The following OR4N2 variants were observed in gnomAD, a reference collection of about 807,000 sequenced individuals.
The protein encoded by OR4N2 is olfactory receptor family 4 subfamily N member 2, also known as olfactory receptor 4N2.
For missense variants in OR4N2, 307 were observed against 377.6 expected (o/e 0.81, Z 1.55); for synonymous variants, 141 against 140.4 (o/e 1.00, Z -0.03).
At chr14:19,815,645 GTTTTTTTTTGTTTTT>G (rs1298398947) in intron 1 of OR4N2, among the ~76,000 whole-genome samples, 6 of 120,694 alleles carry the variant, frequency 5.0e-5, no homozygotes, top group Admixed American at 1.7e-4. Flanking sequence ...CTGATGAGAG[GTTTTTTTTTGTTTTT>G]TTTTTTTTTG....
intron 1 of OR4N2, among the ~76,000 whole-genome samples, chr14:19,814,158 T>A (rs374563087): frequency 2.0e-5 from 3 of 152,148 alleles, no homozygotes; most frequent in African/African-American, 7.2e-5. Flanking sequence ...AAAATAGAAT[T>A]AATAAAATAA....
At chr14:19,824,151 A>G (rs150158417) in intron 1 of OR4N2, among the ~76,000 whole-genome samples, 1 of 152,378 alleles carries the variant, frequency 6.6e-6, no homozygotes, top group African/African-American at 2.4e-5. Flanking sequence ...TAATTTGCCT[A>G]AAATAGAACA....
At chr14:19,804,279 G>A (rs561425328) in intron 1 of OR4N2, among the ~76,000 whole-genome samples, 7 of 151,744 alleles carry the variant, frequency 4.6e-5, no homozygotes, top group South Asian at 2.1e-4. Flanking sequence ...AGTTTCTCTC[G>A]GTGTGATGTT....
At chr14:19,821,535 T>G (rs1261883164) in intron 1 of OR4N2, among the ~76,000 whole-genome samples, 9 of 152,228 alleles carry the variant, frequency 5.9e-5, no homozygotes, top group African/African-American at 1.9e-4. Context: ...CATCATTTAT[T>G]TAATATTTTT....
intron 1 of OR4N2, among the ~76,000 whole-genome samples, chr14:19,808,010 A>C (rs1438273187): frequency 1.3e-5 from 2 of 152,218 alleles, no homozygotes; most frequent in Non-Finnish European, 2.9e-5. Flanking sequence ...TAGATGCAGA[A>C]AAAGCTTTCA....
intron 1 of OR4N2, among the ~76,000 whole-genome samples, chr14:19,809,531 A>G (rs1158871911): frequency 2.0e-5 from 3 of 152,132 alleles, no homozygotes. Flanking sequence ...CCACTTAAAA[A>G]TGGGCAAATA....
Position 19,827,532 on chromosome 14 carries a change from T to C in OR4N2, c.84T>C (p.Phe28=), listed in dbSNP as rs201708481. 53 of 1,614,092 alleles carry C rather than the reference T, an allele frequency of 3.3e-5. No homozygotes were observed. In the East Asian group the frequency reaches 1.0e-3, roughly 31 times the overall value. Residue 28 remains phenylalanine, a synonymous_variant, in exon 2 of 2, where the codon TTT becomes TTC. Coordinates refer to ENST00000557677, the MANE Select transcript of OR4N2 (RefSeq NM_001004723.3). ...TQSQDIQLLV[F]VLVLIFYFII... ...CTCAAGATATTCAGCTCCTGGTCTT[T>C]GTGCTAGTTTTAATATTCTACTTCA... is the stretch of plus-strand genomic sequence containing the variant.
intron 1 of OR4N2, among the ~76,000 whole-genome samples, chr14:19,820,796 T>C (rs1879546911): frequency 6.6e-6 from 1 of 152,236 alleles, no homozygotes; most frequent in Non-Finnish European, 1.5e-5. Context: ...AGCTCGAGTG[T>C]CCCAGGTGAA....
At chr14:19,804,347 A>T (rs1879112699) in intron 1 of OR4N2, among the ~76,000 whole-genome samples, 1 of 151,758 alleles carries the variant, frequency 6.6e-6, no homozygotes, top group Non-Finnish European at 1.5e-5. Flanking sequence ...TTAGTGATAT[A>T]AACTTACCTC....
In OR4N2 at chr14:19,805,020, C is replaced by A. The variant is rs138623041; in HGVS notation, c.-10+1176C>A. ...TCTGGAATTAGAATCAGACCATTTG[C>A]TTTTTTCTGTTTTCTTTTTGCTTGG... On this transcript the variant is annotated intron_variant, in intron 1 of 1. Coordinates refer to ENST00000557677, the MANE Select transcript of OR4N2 (RefSeq NM_001004723.3). Among the ~76,000 whole-genome samples, 44 of 152,260 alleles carry A rather than the reference C, an allele frequency of 2.9e-4. No homozygotes were observed. The East Asian group carries it at 8.5e-3, about 29-fold the overall frequency.
chr14:19,822,333 T>A (rs1451552823), intron 1 of OR4N2: 3 of 152,276 alleles, frequency 2.0e-5, no homozygotes, highest in African/African-American at 7.2e-5. Context: ...TTATTAAATA[T>A]GGAAGAAAAG....
chr14:19,804,230 A>G (rs772247496), intron 1 of OR4N2, among the ~76,000 whole-genome samples: 87 of 148,424 alleles, frequency 5.9e-4, no homozygotes, highest in Middle Eastern at 3.5e-3. Context: ...TGTTTCCTTT[A>G]TCTTGCTAGC....
At chr14:19,817,683 C>G (rs1879462881) in intron 1 of OR4N2, among the ~76,000 whole-genome samples, 1 of 152,174 alleles carries the variant, frequency 6.6e-6, no homozygotes, top group African/African-American at 2.4e-5. Context: ...GTGTCTCTAT[C>G]TCCTTCAGTT....
At chr14:19,813,017 T>A (rs1271076999) in intron 1 of OR4N2, among the ~76,000 whole-genome samples, 1 of 152,352 alleles carries the variant, frequency 6.6e-6, no homozygotes, top group East Asian at 1.9e-4. Context: ...GTGATAAAAC[T>A]TTCCTAGAAG....
Position 19,828,480 on chromosome 14 carries a change from G to T in OR4N2, c.*108G>T. On this transcript the variant is annotated 3_prime_UTR_variant, in exon 2 of 2. Transcript: ENST00000557677. ...TCACTGAGTACCTCCCATTTGTCAG[G>T]ACTATTCTGGGAACTGAAAAAAGAA... is the stretch of plus-strand genomic sequence containing the variant. The T allele has an allele frequency of 8.8e-7, 1 of 1,141,022 alleles. No homozygotes were observed. The highest frequency in any genetic ancestry group is 1.6e-5 in the South Asian group (1 of 61,774). The allele number at this position is 1,141,022 out of a possible 1,614,324, so 70.7% of individuals were successfully genotyped here.
In OR4N2 at chr14:19,817,911, G is replaced by T. The variant is rs146179666; in HGVS notation, c.-9-9529G>T. On this transcript the variant is annotated intron_variant, in intron 1 of 1. Coordinates refer to ENST00000557677, the MANE Select transcript of OR4N2 (RefSeq NM_001004723.3). ...TGTCTTTGTTCTCATTGGTTTCAAA[G>T]AACTTATTTATTTCTGCCTAAATTT... is the stretch of plus-strand genomic sequence containing the variant. Among the ~76,000 whole-genome samples, 13 of 152,364 alleles carry T rather than the reference G, an allele frequency of 8.5e-5. No individual in the cohort carries two copies. In the East Asian group the frequency reaches 1.5e-3, roughly 18 times the overall value.
chr14:19,805,533 A>G (rs1879141338), intron 1 of OR4N2, among the ~76,000 whole-genome samples: 2 of 152,234 alleles, frequency 1.3e-5, no homozygotes, highest in Non-Finnish European at 2.9e-5. Flanking sequence ...ACACTGTGAG[A>G]CAAAAATAAA....
chr14:19,813,024 GA>G (rs1879340213), intron 1 of OR4N2, among the ~76,000 whole-genome samples: 1 of 152,196 alleles, frequency 6.6e-6, no homozygotes, highest in Admixed American at 6.5e-5. Flanking sequence ...AACTTTCCTA[GA>G]AGGGTTAAAA....
chr14:19,816,864 G>A (rs1488431165), intron 1 of OR4N2, among the ~76,000 whole-genome samples: 6 of 152,184 alleles, frequency 3.9e-5, no homozygotes, highest in East Asian at 1.9e-4. Context: ...TTTCAGATAC[G>A]TTCCATCAAT....
Sources: allele counts gnomAD v4.1 joint callset (sites outside exome capture counted in the v4.1 genomes callset), GRCh38; gene constraint gnomAD v4.1.1; transcripts MANE v1.5; gene names NCBI Gene and HGNC (gene_info 2026-07-23, HGNC 2026-07-21).